The following FHL1 variants were observed in gnomAD, a reference collection of about 807,000 sequenced individuals.
FHL1 encodes the protein four and a half LIM domains protein 1.
A neutral mutation model predicts 20.3 loss-of-function variants in FHL1; 1 was observed. The ratio of observed to expected loss-of-function variants is 0.05; its 90% CI spans 0.02 to 0.23. The LOEUF is 0.23. Ranked by LOEUF, FHL1 falls within the 10% of genes least tolerant of loss-of-function variation. The pLI is 1.00. For synonymous variants in FHL1, 82 were observed against 88.9 expected, an observed-to-expected ratio of 0.92 and a Z score of 0.44; for missense variants, 177 against 234.0, an observed-to-expected ratio of 0.76 and a Z score of 1.59.
intron 3 of FHL1, 76 bp downstream of exon 3, chrX:136,207,266 G>A: frequency 9.5e-7 from 1 of 1,051,629 alleles, no homozygotes; most frequent in Non-Finnish European, 1.3e-6. Flanking sequence ...TGCTTATCAT[G>A]GTGGGGCTAA....
intron 3 of FHL1, 176 bp downstream of exon 3, chrX:136,207,366 C>T (rs1383267094): frequency 4.3e-6 from 2 of 463,667 alleles, no homozygotes; most frequent in African/African-American, 2.5e-5. Flanking sequence ...CTCGCACACA[C>T]GCACACACTC....
At chrX:136,150,124 C>T (rs1055152693) in intron 1 of FHL1, among the ~76,000 whole-genome samples, 1 of 111,842 alleles carries the variant, frequency 8.9e-6, no homozygotes, top group African/African-American at 3.3e-5. Context: ...CCCTCTAGGA[C>T]ATGAAAGACA....
At chrX:136,152,232 A>G (rs1438276982) in intron 1 of FHL1, among the ~76,000 whole-genome samples, 1 of 112,114 alleles carries the variant, frequency 8.9e-6, no homozygotes, top group Non-Finnish European at 1.9e-5. Context: ...GCAACTCTGC[A>G]GTTATGATGC....
upstream of FHL1, chrX:136,146,805 G>A (rs1258864610): frequency 9.2e-6 from 3 of 327,791 alleles, no homozygotes; most frequent in Non-Finnish European, 5.9e-6. Flanking sequence ...GCGCCGCTTT[G>A]CCATCGGTGC....
At chrX:136,166,393 C>T (rs1197100003), upstream of FHL1, among the ~76,000 whole-genome samples, 1 of 111,756 alleles carries the variant, frequency 8.9e-6, no homozygotes, top group African/African-American at 3.3e-5. Context: ...CTTCTGCCCT[C>T]TGGAGGGTGT....
At chrX:136,188,820 G>T (rs1375070052) in intron 2 of FHL1, among the ~76,000 whole-genome samples, 1 of 110,933 alleles carries the variant, frequency 9.0e-6, no homozygotes, top group Non-Finnish European at 1.9e-5. Context: ...GGGACCTTGG[G>T]CATTGCTGTA....
At chrX:136,164,664 G>T (rs970842424), upstream of FHL1, among the ~76,000 whole-genome samples, 3 of 111,520 alleles carry the variant, frequency 2.7e-5, no homozygotes, top group Non-Finnish European at 3.8e-5. Context: ...TTTATTTAGG[G>T]CATGGTGGGA....
chrX:136,196,709 A>G, upstream of FHL1: 1 of 704,669 alleles, frequency 1.4e-6, no homozygotes, highest in Non-Finnish European at 2.1e-6. Context: ...ACAGGGCCAA[A>G]TGCAAGCTCT....
At chrX:136,183,130 A>G (rs914987263) in intron 2 of FHL1, among the ~76,000 whole-genome samples, 7 of 110,616 alleles carry the variant, frequency 6.3e-5, no homozygotes, top group Non-Finnish European at 1.1e-4. Context: ...CAAACAAAAA[A>G]AAAACAGAAA....
At chrX:136,154,045 C>T (rs1261339785) in intron 1 of FHL1, among the ~76,000 whole-genome samples, 1 of 111,623 alleles carries the variant, frequency 9.0e-6, no homozygotes, top group African/African-American at 3.3e-5. Context: ...CTGTTAGTAC[C>T]CACCCCCCAT....
rs1466370133 is a variant in FHL1, at chrX:136,211,307, T to G, written c.*1282T>G. 3.3e-6 allele frequency: 1 copy of G among 304,189 alleles called. No homozygotes were observed. The highest frequency in any genetic ancestry group is 6.2e-6 in the Non-Finnish European group (1 of 160,946). 25.1% of individuals were successfully genotyped at this position (304,189 alleles called of 1,213,427 possible). A position where few individuals can be genotyped will look rare whatever the true frequency, so the allele number is the denominator to read the frequency against. ...TACATTCTGTCATTAGCTATTATCA[T>G]CTAACGTTTCAGTGTATCCTTACAG... On this transcript the variant is annotated 3_prime_UTR_variant, in exon 6 of 6. Coordinates refer to ENST00000370683, the MANE Select transcript of FHL1 (RefSeq NM_001159699.2).
chrX:136,181,906 G>A (rs1334311057), intron 2 of FHL1, among the ~76,000 whole-genome samples: 2 of 111,785 alleles, frequency 1.8e-5, no homozygotes, highest in Non-Finnish European at 3.8e-5. Context: ...CAAAGTGAAT[G>A]TAGCAGATTT....
chrX:136,207,229 G>A (rs1050758923), intron 3 of FHL1, 39 bp downstream of exon 3: 1 of 1,163,428 alleles, frequency 8.6e-7, no homozygotes, highest in Non-Finnish European at 1.2e-6. Context: ...CAGGGAGGAG[G>A]CCCTGAGGGC....
intron 1 of FHL1, among the ~76,000 whole-genome samples, chrX:136,164,232 A>T: frequency 9.5e-6 from 1 of 104,913 alleles, no homozygotes; most frequent in Non-Finnish European, 1.9e-5. Flanking sequence ...TTTGAGACAC[A>T]GTCTTGCTCT....
chrX:136,204,140 T>C (rs1163029144), intron 1 of FHL1, among the ~76,000 whole-genome samples: 1 of 112,852 alleles, frequency 8.9e-6, no homozygotes, highest in Non-Finnish European at 1.9e-5. Context: ...TGTCTAATCT[T>C]ACAAATTCTG....
chrX:136,187,400 A>G (rs755206933), intron 2 of FHL1, among the ~76,000 whole-genome samples: 2 of 112,341 alleles, frequency 1.8e-5, no homozygotes, highest in South Asian at 3.7e-4. Flanking sequence ...AAATAACCCA[A>G]ATGTCCATTA....
At chrX:136,205,583 C>G (rs769956972) in intron 1 of FHL1, among the ~76,000 whole-genome samples, 21 of 111,895 alleles carry the variant, frequency 1.9e-4, no homozygotes, top group African/African-American at 6.2e-4. Context: ...CTATATTGCT[C>G]TGGCCTCAAA....
chrX:136,202,154 C>T (rs1272520468), intron 1 of FHL1, among the ~76,000 whole-genome samples: 1 of 111,356 alleles, frequency 9.0e-6, no homozygotes, highest in Non-Finnish European at 1.9e-5. Flanking sequence ...CACTTGAGGT[C>T]AGGAGTTCAA....
In FHL1 at chrX:136,210,826, G is replaced by A. The variant is rs1487159414; in HGVS notation, c.*801G>A. The A allele has an allele frequency of 6.8e-5, 26 of 383,306 alleles. No individual in the cohort carries two copies. Among genetic ancestry groups the A allele is most frequent in the African/African-American group, 5.4e-4 (22 of 40,495 alleles). The allele number at this position is 383,306 out of a possible 1,213,427, so 31.6% of individuals were successfully genotyped here. ...TTTATTGTTTTTAATTAATATTTTTGTTTTAATTGATAGCAAAATAGTTTA... is the reference window on the plus strand; with the variant it reads ...TTTATTGTTTTTAATTAATATTTTTATTTTAATTGATAGCAAAATAGTTTA... On this transcript the variant is annotated 3_prime_UTR_variant, in exon 6 of 6. Coordinates refer to ENST00000370683, the MANE Select transcript of FHL1 (RefSeq NM_001159699.2).
Sources: gnomAD v4.1 joint callset for allele counts (sites outside exome capture counted in the v4.1 genomes callset) on GRCh38, gnomAD v4.1.1 for gene constraint, MANE v1.5 for transcripts, NCBI Gene and HGNC (gene_info 2026-07-23, HGNC 2026-07-21) for gene names.